The following ADAMTSL3 variants were observed in gnomAD, a reference collection of about 807,000 sequenced individuals.
The protein encoded by ADAMTSL3 is ADAMTS like 3, also known as ADAMTS-like protein 3.
A neutral mutation model predicts 201.7 loss-of-function variants in ADAMTSL3; 128 were observed. The ratio of observed to expected loss-of-function variants is 0.63; its 90% CI spans 0.55 to 0.73. The LOEUF (loss-of-function observed/expected upper bound fraction) is 0.73. Ranked by LOEUF, ADAMTSL3 falls within the 30% of genes least tolerant of loss-of-function variation. ADAMTSL3 has a pLI of 0.00. For missense variants in ADAMTSL3, 1,990 were observed against 2,119.6 expected, an observed-to-expected ratio of 0.94 and a Z score of 1.20; for synonymous variants, 738 against 748.4, an observed-to-expected ratio of 0.99 and a Z score of 0.23.
chr15:83,661,258 G>A (rs1264162957), intron 2 of ADAMTSL3, among the ~76,000 whole-genome samples: 14 of 151,912 alleles, frequency 9.2e-5, no homozygotes, highest in Admixed American at 2.0e-4. Context: ...TTGACTTGGC[G>A]ATGCGGGCTC....
At chr15:84,034,593 A>C (rs6603016) in intron 28 of ADAMTSL3, among the ~76,000 whole-genome samples, 8 of 152,196 alleles carry the variant, frequency 5.3e-5, no homozygotes, top group Non-Finnish European at 1.0e-4. Flanking sequence ...AACTTCTGAA[A>C]TCAGAATCAC....
At chr15:83,696,673 A>G (rs2061692358) in intron 2 of ADAMTSL3, among the ~76,000 whole-genome samples, 1 of 152,206 alleles carries the variant, frequency 6.6e-6, no homozygotes. Flanking sequence ...ATGAGGAACT[A>G]TAATTGGGCA....
At chr15:83,834,149 C>T (rs542525775) in intron 6 of ADAMTSL3, among the ~76,000 whole-genome samples, 1 of 152,166 alleles carries the variant, frequency 6.6e-6, no homozygotes, top group Non-Finnish European at 1.5e-5. Flanking sequence ...TAGAACGTCT[C>T]GGAGACTCAG....
chr15:83,838,086 C>T lies in ADAMTSL3; in HGVS notation c.601-3C>T, dbSNP rs201769115. The T allele has an allele frequency of 2.9e-5, 46 of 1,605,716 alleles. No homozygotes were observed. Among genetic ancestry groups the T allele is most frequent in the Non-Finnish European group, 3.8e-5 (45 of 1,177,004 alleles). On this transcript the variant is annotated splice_polypyrimidine_tract_variant and splice_region_variant and intron_variant, in intron 6 of 29. Coordinates refer to ENST00000286744, the MANE Select transcript of ADAMTSL3 (RefSeq NM_207517.3). ...CCACTGACTGCCATGCTTCTGTTGG[C>T]AGGCAGTGGGCTGCGATCGGCAACT...
At chr15:83,773,002 A>G (rs926748452) in intron 3 of ADAMTSL3, among the ~76,000 whole-genome samples, 2 of 152,236 alleles carry the variant, frequency 1.3e-5, no homozygotes, top group Non-Finnish European at 2.9e-5. Context: ...TTCAGATATA[A>G]TACTGAGCTT....
intron 19 of ADAMTSL3, among the ~76,000 whole-genome samples, chr15:83,952,743 T>G (rs966968499): frequency 6.6e-6 from 1 of 151,560 alleles, no homozygotes. Context: ...AAGGTGGTGG[T>G]TGTAGTGAGC....
rs769402221 is a variant in ADAMTSL3 at position 83,897,983 on chromosome 15, C to T, written c.1593C>T (p.Pro531=). ...ACATCAAAGAAGAATGTGTCATTCC[C>T]ATCCCGTGTTATAAACCAAAAGGTA... The part of the protein sequence containing the change: ...KLHIKEECVI[P]IPCYKPKEKS... Residue 531 remains proline (P), a synonymous_variant, in exon 14 of 30, where the codon CCC becomes CCT. Transcript: ENST00000286744. 6.2e-7 allele frequency: 1 copy of T among 1,613,460 alleles called. No individual in the cohort carries two copies. Among genetic ancestry groups the T allele is most frequent in the Non-Finnish European group, 8.5e-7 (1 of 1,179,686 alleles).
chr15:83,722,818 G>C (rs2062119419), intron 3 of ADAMTSL3, among the ~76,000 whole-genome samples: 1 of 151,982 alleles, frequency 6.6e-6, no homozygotes, highest in South Asian at 2.1e-4. Context: ...GGTTAATTTA[G>C]AAAAAGTTAA....
At chr15:83,756,818 A>G (rs770518718) in intron 3 of ADAMTSL3, among the ~76,000 whole-genome samples, 3 of 152,226 alleles carry the variant, frequency 2.0e-5, no homozygotes, top group East Asian at 1.9e-4. Flanking sequence ...TAAATACACC[A>G]TTCCAAATAG....
At chr15:83,859,439 C>A (rs1388906111) in intron 8 of ADAMTSL3, among the ~76,000 whole-genome samples, 3 of 152,162 alleles carry the variant, frequency 2.0e-5, no homozygotes, top group African/African-American at 7.2e-5. Context: ...GGTCTCTGTG[C>A]CGGTGGATCC....
rs190287713 is a variant in ADAMTSL3 at position 83,689,874 on chromosome 15, A to G, written c.70-14515A>G. ...TTATACTTTGAATGTTGTGTAGAGC[A>G]CACATGTTTTGTAGGGCACACCTGT... On this transcript the variant is annotated intron_variant, in intron 2 of 29. Transcript: ENST00000286744. 4.8e-3 allele frequency among the ~76,000 whole-genome samples: 722 copies of G among 151,168 alleles called. 7 individuals are homozygous for G. The highest frequency in any genetic ancestry group is 0.017 in the African/African-American group (695 of 41,178).
intron 23 of ADAMTSL3, among the ~76,000 whole-genome samples, chr15:84,007,243 C>T (rs1226828630): frequency 6.6e-6 from 1 of 152,136 alleles, no homozygotes; most frequent in African/African-American, 2.4e-5. Context: ...GTCTAGACTC[C>T]CATGGTCACG....
At chr15:83,713,269 C>T (rs2061956735) in intron 3 of ADAMTSL3, among the ~76,000 whole-genome samples, 1 of 152,228 alleles carries the variant, frequency 6.6e-6, no homozygotes, top group African/African-American at 2.4e-5. Flanking sequence ...CACCTTTGAT[C>T]ATCTCTAATT....
At chr15:83,685,923 G>C (rs551327776) in intron 2 of ADAMTSL3, among the ~76,000 whole-genome samples, 2 of 152,188 alleles carry the variant, frequency 1.3e-5, no homozygotes, top group South Asian at 4.1e-4. Context: ...ATATGAAACT[G>C]CCTTTCCCTG....
At chr15:83,727,462 T>G (rs920834726) in intron 3 of ADAMTSL3, among the ~76,000 whole-genome samples, 3 of 152,050 alleles carry the variant, frequency 2.0e-5, no homozygotes, top group African/African-American at 7.2e-5. Context: ...TCTAGTTCTT[T>G]AAGATGCATC....
chr15:83,910,149 T>C (rs1157039947), intron 15 of ADAMTSL3, among the ~76,000 whole-genome samples: 1 of 152,212 alleles, frequency 6.6e-6, no homozygotes, highest in Non-Finnish European at 1.5e-5. Flanking sequence ...TGTTTCACAG[T>C]TGGTTTCCAT....
At chr15:83,907,795 T>C (rs1012480646) in intron 15 of ADAMTSL3, among the ~76,000 whole-genome samples, 9 of 152,320 alleles carry the variant, frequency 5.9e-5, no homozygotes, top group Middle Eastern at 3.4e-3. Context: ...AGAACTTAGG[T>C]TGATTTCATA....
chr15:83,829,442 A>G (rs947752358), intron 6 of ADAMTSL3, among the ~76,000 whole-genome samples: 21 of 152,072 alleles, frequency 1.4e-4, no homozygotes, highest in Admixed American at 1.1e-3. Context: ...TCTTGCTAGC[A>G]GTCTATCAAT....
chr15:83,705,930 A>G (rs2061844406), intron 3 of ADAMTSL3, among the ~76,000 whole-genome samples: 2 of 151,962 alleles, frequency 1.3e-5, no homozygotes, highest in Admixed American at 1.3e-4. Context: ...GAGTGAGTGC[A>G]TTACTAGTCA....
Sources: allele counts gnomAD v4.1 joint callset (sites outside exome capture counted in the v4.1 genomes callset), GRCh38; gene constraint gnomAD v4.1.1; transcripts MANE v1.5; gene names NCBI Gene and HGNC (gene_info 2026-07-23, HGNC 2026-07-21).